Variants in CCSER2 observed in about 807,000 individuals in gnomAD.
The protein encoded by CCSER2 is serine-rich coiled-coil domain-containing protein 2.
Under a neutral mutation model 92.3 loss-of-function variants are expected in CCSER2, and 46 were observed. The ratio of observed to expected loss-of-function variants is 0.50; its 90% CI spans 0.39 to 0.64. CCSER2 has a LOEUF of 0.64. CCSER2 is among the 30% of genes least tolerant of loss of function. The pLI, the probability that CCSER2 is intolerant of heterozygous loss-of-function variation, is 0.00. For synonymous variants in CCSER2, 433 were observed against 431.4 expected, an observed-to-expected ratio of 1.00 and a Z score of -0.04; for missense variants, 1,244 against 1,238.9, an observed-to-expected ratio of 1.00 and a Z score of -0.06.
chr10:84,360,949 CT>C (rs1367518686), intron 1 of CCSER2, among the ~76,000 whole-genome samples: 2 of 152,200 alleles, frequency 1.3e-5, no homozygotes, highest in African/African-American at 4.8e-5. Flanking sequence ...CCATTCCATT[CT>C]GTTTCCTCCA....
chr10:84,394,829 T>C (rs945120788), intron 3 of CCSER2, among the ~76,000 whole-genome samples: 1 of 152,118 alleles, frequency 6.6e-6, no homozygotes, highest in African/African-American at 2.4e-5. Context: ...TTTCTGAACA[T>C]TTTTTCTCAT....
intron 3 of CCSER2, among the ~76,000 whole-genome samples, chr10:84,416,688 G>A (rs1375866201): frequency 6.6e-6 from 1 of 152,058 alleles, no homozygotes; most frequent in African/African-American, 2.4e-5. Flanking sequence ...CAGCACTTTG[G>A]GAGGCCGAGG....
At chr10:84,348,058 G>A (rs956263479) in intron 1 of CCSER2, among the ~76,000 whole-genome samples, 4 of 152,184 alleles carry the variant, frequency 2.6e-5, no homozygotes, top group East Asian at 1.9e-4. Flanking sequence ...GGTGGCGGCC[G>A]GGCAGAGGCT....
chr10:84,403,721 AC>A (rs1842237693), intron 3 of CCSER2, among the ~76,000 whole-genome samples: 1 of 152,220 alleles, frequency 6.6e-6, no homozygotes, highest in African/African-American at 2.4e-5. Context: ...AATTAAAATC[AC>A]ATTCTATACA....
chr10:84,432,302 A>G (rs1331952610), intron 5 of CCSER2, among the ~76,000 whole-genome samples: 1 of 152,208 alleles, frequency 6.6e-6, no homozygotes, highest in Non-Finnish European at 1.5e-5. Flanking sequence ...TTTGTATCAC[A>G]TATACATGGA....
intron 1 of CCSER2, among the ~76,000 whole-genome samples, chr10:84,348,622 A>G (rs1844686483): frequency 6.6e-6 from 1 of 152,204 alleles, no homozygotes; most frequent in Non-Finnish European, 1.5e-5. Context: ...TACTCTGTGT[A>G]ATGGATGAGA....
At chr10:84,361,493 A>G (rs1464543562) in intron 1 of CCSER2, among the ~76,000 whole-genome samples, 1 of 152,202 alleles carries the variant, frequency 6.6e-6, no homozygotes, top group African/African-American at 2.4e-5. Flanking sequence ...TGACCTTCAT[A>G]TAAATGGAAT....
intron 3 of CCSER2, among the ~76,000 whole-genome samples, chr10:84,388,752 T>C (rs910902672): frequency 1.3e-5 from 2 of 152,178 alleles, no homozygotes; most frequent in African/African-American, 4.8e-5. Flanking sequence ...CATTAGATTC[T>C]CATAAGGTGT....
intron 3 of CCSER2, among the ~76,000 whole-genome samples, chr10:84,388,005 A>C (rs1841317988): frequency 6.6e-6 from 1 of 152,052 alleles, no homozygotes; most frequent in South Asian, 2.1e-4. Context: ...CTGGGATTAC[A>C]GGCACACAAC....
chr10:84,391,872 A>T (rs1213660698), intron 3 of CCSER2: 1 of 1,451,216 alleles, frequency 6.9e-7, no homozygotes, highest in South Asian at 1.1e-5. Flanking sequence ...AAGATTTTAT[A>T]TTTTTTTGTG....
intron 1 of CCSER2, among the ~76,000 whole-genome samples, chr10:84,369,495 C>A (rs1165506396): frequency 6.6e-6 from 1 of 151,574 alleles, no homozygotes; most frequent in African/African-American, 2.4e-5. Context: ...TGTTATTTGC[C>A]CACTTTTTGA....
chr10:84,404,044 T>G (rs571393992), intron 3 of CCSER2, among the ~76,000 whole-genome samples: 18 of 152,328 alleles, frequency 1.2e-4, no homozygotes, highest in African/African-American at 4.3e-4. Flanking sequence ...CCATCTTGAT[T>G]TTCTGGTCCA....
intron 9 of CCSER2, among the ~76,000 whole-genome samples, chr10:84,483,325 G>A (rs1051103380): frequency 1.3e-5 from 2 of 151,840 alleles, no homozygotes; most frequent in Non-Finnish European, 2.9e-5. Context: ...CCTGGGAGGT[G>A]GAGGTTGTGG....
At chr10:84,390,864 G>C (rs1186080612) in intron 3 of CCSER2, 1 of 618,736 alleles carries the variant, frequency 1.6e-6, no homozygotes, top group East Asian at 2.9e-5. Flanking sequence ...TACAGACACA[G>C]TATAAATATT....
intron 9 of CCSER2, among the ~76,000 whole-genome samples, chr10:84,504,593 A>G (rs577500868): frequency 3.9e-5 from 6 of 152,332 alleles, no homozygotes; most frequent in Non-Finnish European, 5.9e-5. Flanking sequence ...CAGTTGGATA[A>G]TCTTTCTAAG....
intron 9 of CCSER2, among the ~76,000 whole-genome samples, chr10:84,507,627 A>C (rs1849131903): frequency 6.6e-6 from 1 of 152,182 alleles, no homozygotes; most frequent in South Asian, 2.1e-4. Flanking sequence ...TTTTTACTCC[A>C]TCAGGACTTG....
At chr10:84,465,500 A>G (rs1846364583) in intron 7 of CCSER2, among the ~76,000 whole-genome samples, 1 of 150,928 alleles carries the variant, frequency 6.6e-6, no homozygotes, top group South Asian at 2.1e-4. Flanking sequence ...AATTTTTTAT[A>G]TTTTTAGTAG....
At chr10:84,419,273 G>A (rs764830527) in intron 4 of CCSER2, among the ~76,000 whole-genome samples, 5 of 151,584 alleles carry the variant, frequency 3.3e-5, no homozygotes, top group Non-Finnish European at 7.4e-5. Context: ...GAACTGCTTA[G>A]CTGCTTTTAA....
intron 5 of CCSER2, among the ~76,000 whole-genome samples, chr10:84,438,267 G>A (rs1314530479): frequency 6.6e-6 from 1 of 152,110 alleles, no homozygotes; most frequent in Non-Finnish European, 1.5e-5. Flanking sequence ...GCCTAAAGAA[G>A]GTTTATTCTT....
Sources: allele counts gnomAD v4.1 joint callset (sites outside exome capture counted in the v4.1 genomes callset), GRCh38; gene constraint gnomAD v4.1.1; transcripts MANE v1.5; gene names NCBI Gene and HGNC (gene_info 2026-07-23, HGNC 2026-07-21).